The following DLC1 variants were observed in gnomAD, a reference collection of about 807,000 sequenced individuals.
The protein encoded by DLC1 is rho GTPase-activating protein 7.
In DLC1, 54 loss-of-function variants were observed where a neutral mutation model predicts 140.3. The ratio of observed to expected loss-of-function variants is 0.38; its 90% CI spans 0.31 to 0.48. The LOEUF is 0.48. DLC1 is among the 20% of genes least tolerant of loss of function. DLC1 has a pLI of 0.96. For missense variants in DLC1, 2,536 were observed against 1,907.0 expected (o/e 1.33, Z -6.14); for synonymous variants, 986 against 728.1 (o/e 1.35, Z -5.70).
intron 5 of DLC1, among the ~76,000 whole-genome samples, chr8:13,154,088 C>T (rs1824055049): frequency 6.6e-6 from 1 of 152,228 alleles, no homozygotes; most frequent in African/African-American, 2.4e-5. Context: ...GAGCTAGACT[C>T]AGGGTGGTGA....
intron 5 of DLC1, among the ~76,000 whole-genome samples, chr8:13,170,872 G>A (rs78422977): frequency 4.6e-5 from 7 of 152,222 alleles, no homozygotes; most frequent in East Asian, 3.9e-4. Context: ...GTTCTCAGTC[G>A]TGGGCTTTTA....
rs543809254 is a variant in DLC1 at position 13,238,778 on chromosome 8, C to T, written c.1348+66491G>A. Among the ~76,000 whole-genome samples, 5 of 152,208 alleles carry T rather than the reference C, an allele frequency of 3.3e-5. 1 individual carries two copies. In the South Asian group the frequency reaches 1.0e-3, roughly 32 times the overall value. The stretch of plus-strand genomic sequence containing the variant: ...GTAAGCAACTGGAATTACTCTGATG[C>T]CCTGGAAGCTGTAAAAATCATTCCT... On this transcript the variant is annotated intron_variant, in intron 5 of 17. Transcript: ENST00000276297.
chr8:13,195,517 G>T (rs538589013), intron 5 of DLC1, among the ~76,000 whole-genome samples: 141 of 152,272 alleles, frequency 9.3e-4, no homozygotes, highest in African/African-American at 3.2e-3. Context: ...TGGAAATGAG[G>T]ATGCTTAATT....
chr8:13,492,578 G>A (rs182024359), intron 2 of DLC1, among the ~76,000 whole-genome samples: 10 of 150,254 alleles, frequency 6.7e-5, no homozygotes, highest in Middle Eastern at 3.4e-3. Flanking sequence ...AGCCTTATAC[G>A]TCATTCAAAC....
chr8:13,172,168 A>C (rs938692558), intron 5 of DLC1, among the ~76,000 whole-genome samples: 1 of 152,204 alleles, frequency 6.6e-6, no homozygotes, highest in Non-Finnish European at 1.5e-5. Context: ...TGGAATCTGA[A>C]GTATTAAAGT....
intron 5 of DLC1, among the ~76,000 whole-genome samples, chr8:13,218,291 A>G (rs1828308537): frequency 6.6e-6 from 1 of 152,178 alleles, no homozygotes; most frequent in African/African-American, 2.4e-5. Context: ...AAACTCCTAG[A>G]AGAAAGCATA....
chr8:13,302,890 T>C (rs1481714849), intron 5 of DLC1, among the ~76,000 whole-genome samples: 3 of 152,174 alleles, frequency 2.0e-5, no homozygotes, highest in Non-Finnish European at 4.4e-5. Context: ...TATTTGTATA[T>C]AGAACACTCA....
chr8:13,135,185 G>T (rs1217152215), intron 5 of DLC1, among the ~76,000 whole-genome samples: 1 of 150,834 alleles, frequency 6.6e-6, no homozygotes, highest in Non-Finnish European at 1.5e-5. Flanking sequence ...GTCCTTAGGA[G>T]TGATAAACAG....
intron 4 of DLC1, among the ~76,000 whole-genome samples, chr8:13,354,734 C>A (rs1237861897): frequency 6.8e-6 from 1 of 147,470 alleles, no homozygotes; most frequent in East Asian, 2.0e-4. Context: ...TGCTTGAGCA[C>A]AGGAGTTCAA....
At chr8:13,512,953 G>A (rs1802442261) in intron 1 of DLC1, among the ~76,000 whole-genome samples, 2 of 134,792 alleles carry the variant, frequency 1.5e-5, no homozygotes, top group South Asian at 4.9e-4. Context: ...ATTAACATTG[G>A]TGACAGTTTT....
At chr8:13,268,254 C>A (rs1321380719) in intron 5 of DLC1, among the ~76,000 whole-genome samples, 1 of 152,144 alleles carries the variant, frequency 6.6e-6, no homozygotes, top group Non-Finnish European at 1.5e-5. Context: ...TTTGGAATGA[C>A]AAGTCTTTTT....
At chr8:13,331,270 T>A (rs1264649971) in intron 4 of DLC1, among the ~76,000 whole-genome samples, 1 of 152,244 alleles carries the variant, frequency 6.6e-6, no homozygotes, top group African/African-American at 2.4e-5. Flanking sequence ...TAATGATTGA[T>A]AGGAGTAAAC....
chr8:13,418,806 G>T (rs1214616806), intron 2 of DLC1, among the ~76,000 whole-genome samples: 1 of 152,134 alleles, frequency 6.6e-6, no homozygotes, highest in African/African-American at 2.4e-5. Context: ...ACCTTGGGCA[G>T]TGTGGCCATT....
At chr8:13,324,842 G>T (rs1175784315) in intron 4 of DLC1, among the ~76,000 whole-genome samples, 1 of 152,090 alleles carries the variant, frequency 6.6e-6, no homozygotes, top group African/African-American at 2.4e-5. Flanking sequence ...AATCTTGAAG[G>T]TGTTTCGTGT....
chr8:13,386,699 A>C lies in DLC1; in HGVS notation c.1314+6854T>G, dbSNP rs577340484. 1.2e-3 allele frequency among the ~76,000 whole-genome samples: 179 copies of C among 152,236 alleles called. 1 individual carries two copies. Among genetic ancestry groups the C allele is most frequent in the African/African-American group, 3.6e-3 (149 of 41,590 alleles). ...AATTGCACACTTATTTATTATTTCA[A>C]AATCCAGACTAGGTGAATGAAATCC... On this transcript the variant is annotated intron_variant, in intron 4 of 17. Transcript: ENST00000276297.
chr8:13,185,293 TTTG>T (rs1563146222), intron 5 of DLC1, among the ~76,000 whole-genome samples: 14 of 61,580 alleles, frequency 2.3e-4, no homozygotes, highest in African/African-American at 5.0e-4. Context: ...GTTTTTTTTG[TTTG>T]TTTGTTTGTT....
At chr8:13,466,973 T>C (rs546567405) in intron 2 of DLC1, among the ~76,000 whole-genome samples, 4 of 151,902 alleles carry the variant, frequency 2.6e-5, no homozygotes, top group Non-Finnish European at 4.4e-5. Flanking sequence ...TCCACGTTAT[T>C]GACTCTATAT....
chr8:13,100,087 G>A lies in DLC1; in HGVS notation c.2250C>T (p.Ser750=), dbSNP rs757351261. 1.9e-6 allele frequency: 3 copies of A among 1,613,628 alleles called. No individual in the cohort carries two copies. The highest frequency in any genetic ancestry group is 4.5e-5 in the East Asian group (2 of 44,888). Residue 750 remains serine, a synonymous_variant, in exon 9 of 18, where the codon AGC becomes AGT. Coordinates refer to ENST00000276297, the MANE Select transcript of DLC1 (RefSeq NM_182643.3). ...CAGGGCTGGGCGTGCTGACCGCGCT[G>A]CTGGTCTCCGACTGGCTGCTGCTGC... is the stretch of plus-strand genomic sequence containing the variant. The part of the protein sequence containing the change: ...TSSSSSQSET[S]SAVSTPSPVT...
chr8:13,178,720 A>G (rs1438963359), intron 5 of DLC1, among the ~76,000 whole-genome samples: 1 of 152,150 alleles, frequency 6.6e-6, no homozygotes, highest in East Asian at 1.9e-4. Context: ...ACTCCTAAAA[A>G]TCAGTAGAAA....
Sources: allele counts gnomAD v4.1 joint callset (sites outside exome capture counted in the v4.1 genomes callset), GRCh38; gene constraint gnomAD v4.1.1; transcripts MANE v1.5; gene names NCBI Gene and HGNC (gene_info 2026-07-23, HGNC 2026-07-21).